SEC16B: variants seen among roughly 807,000 people sequenced by gnomAD.
SEC16B encodes the protein SEC16 homolog B, endoplasmic reticulum export factor.
A neutral mutation model predicts 141.8 loss-of-function variants in SEC16B; 115 were observed. The observed-to-expected ratio is 0.81, with a 90% confidence interval of 0.70 to 0.95. SEC16B has a LOEUF of 0.95. Ranked by LOEUF, SEC16B falls within the 40% of genes least tolerant of loss-of-function variation. SEC16B has a pLI of 0.00. For missense variants in SEC16B, 1,291 were observed against 1,312.3 expected (o/e 0.98, Z 0.25); for synonymous variants, 493 against 492.5 (o/e 1.00, Z -0.01).
upstream of SEC16B, chr1:177,973,321 A>C (rs556338435): frequency 3.3e-5 from 5 of 152,166 alleles, no homozygotes; most frequent in African/African-American, 1.2e-4. Flanking sequence ...TGAAAGTAAA[A>C]ATTTAGAAAA....
chr1:177,953,524 G>A (rs766010548), intron 11 of SEC16B, among the ~76,000 whole-genome samples: 1 of 152,104 alleles, frequency 6.6e-6, no homozygotes, highest in Non-Finnish European at 1.5e-5. Context: ...GATGCTAGGC[G>A]GAGCCTGAAG....
intron 1 of SEC16B, among the ~76,000 whole-genome samples, chr1:177,977,666 A>G (rs1473022805): frequency 6.6e-6 from 1 of 152,074 alleles, no homozygotes; most frequent in Non-Finnish European, 1.5e-5. Flanking sequence ...CCCCCATACC[A>G]CTCAGCAATC....
At chr1:177,979,891 A>G (rs1337599521) in intron 1 of SEC16B, among the ~76,000 whole-genome samples, 1 of 152,198 alleles carries the variant, frequency 6.6e-6, no homozygotes, top group Admixed American at 6.5e-5. Flanking sequence ...AGCATGGGAA[A>G]GACTTGCCCC....
At chr1:177,931,160 C>T (rs114395190) in intron 24 of SEC16B, among the ~76,000 whole-genome samples, 2,195 of 152,266 alleles carry the variant, frequency 0.014, 47 homozygotes, top group African/African-American at 0.05. Context: ...AATTGCAAAA[C>T]GTGGAACCAA....
At position 177,968,075 on chromosome 1, in the gene SEC16B, G is replaced by A. The variant is rs1013222943; in HGVS notation, c.-58-36C>T. On this transcript the variant is annotated intron_variant, in intron 1 of 25. Transcript: ENST00000308284. ...AAGAAAAAGGAAAAAATCATCACTT[G>A]AAGCCTATATCCAAACATAGTGGTT... 3 of 1,257,540 alleles carry A rather than the reference G, an allele frequency of 2.4e-6. No individual in the cohort carries two copies. In the African/African-American group the frequency reaches 4.5e-5, roughly 19 times the overall value. The allele number at this position is 1,257,540 out of a possible 1,614,324, so 77.9% of individuals were successfully genotyped here.
At chr1:177,972,166 AACTCTTCAAAC>A (rs543482744), upstream of SEC16B, among the ~76,000 whole-genome samples, 160 of 152,314 alleles carry the variant, frequency 1.1e-3, 2 homozygotes, top group African/African-American at 3.4e-3. Context: ...GTTATTATGA[AACTCTTCAAAC>A]ACTCACCAAC....
chr1:177,941,304 G>C (rs1010251696), intron 16 of SEC16B, among the ~76,000 whole-genome samples: 1 of 152,158 alleles, frequency 6.6e-6, no homozygotes, highest in East Asian at 1.9e-4. Context: ...AATTTTATAC[G>C]TTAAAGAAGC....
Position 177,939,570 on chromosome 1 carries a change from C to T in SEC16B, c.2203+132G>A, listed in dbSNP as rs150979490. On this transcript the variant is annotated intron_variant, in intron 18 of 25. Coordinates refer to ENST00000308284, the MANE Select transcript of SEC16B (RefSeq NM_033127.4). Reference sequence around the variant, plus strand: ...CTGGGTGGAGAAGGCGCCTGGACAACGGGGCGGACTTACACAGGCAAGGCA... The same window carrying T: ...CTGGGTGGAGAAGGCGCCTGGACAATGGGGCGGACTTACACAGGCAAGGCA... 129 of 726,622 alleles carry T rather than the reference C, an allele frequency of 1.8e-4. No individual in the cohort carries two copies. In the African/African-American group the frequency reaches 1.8e-3, roughly 10 times the overall value. 45.0% of individuals were successfully genotyped at this position (726,622 alleles called of 1,614,324 possible).
chr1:177,933,456 C>A, intron 21 of SEC16B, 28 bp downstream of exon 21: 1 of 1,605,390 alleles, frequency 6.2e-7, no homozygotes, highest in Non-Finnish European at 8.5e-7. Context: ...GGAAGGAAGG[C>A]AGGGGAGAGA....
intron 12 of SEC16B, among the ~76,000 whole-genome samples, chr1:177,950,862 A>T (rs1407904538): frequency 6.6e-6 from 1 of 151,080 alleles, no homozygotes; most frequent in African/African-American, 2.4e-5. Flanking sequence ...GGAAGGAAAA[A>T]AGAAAGGAGG....
chr1:177,974,939 G>A (rs1271005480), upstream of SEC16B, among the ~76,000 whole-genome samples: 1 of 152,212 alleles, frequency 6.6e-6, no homozygotes, highest in African/African-American at 2.4e-5. Flanking sequence ...AAGGGCACCT[G>A]TTCCTCTAAA....
At chr1:177,982,423 G>A (rs539526650) in intron 1 of SEC16B, among the ~76,000 whole-genome samples, 1 of 152,326 alleles carries the variant, frequency 6.6e-6, no homozygotes. Flanking sequence ...CCTGGGTCAG[G>A]AAGTACACCT....
At chr1:177,971,565 C>A (rs1039171873), upstream of SEC16B, 7 of 152,214 alleles carry the variant, frequency 4.6e-5, no homozygotes, top group Non-Finnish European at 8.8e-5. Flanking sequence ...ATCACAACAA[C>A]ATTCACAAAA....
intron 24 of SEC16B, among the ~76,000 whole-genome samples, chr1:177,931,446 A>T (rs923981460): frequency 4.0e-5 from 6 of 151,774 alleles, no homozygotes; most frequent in Non-Finnish European, 8.8e-5. Context: ...GGTCAGGGAT[A>T]AAAAAAACTA....
chr1:177,932,478 G>A lies in SEC16B; in HGVS notation c.3012+12C>T. On this transcript the variant is annotated intron_variant, in intron 24 of 25. Transcript: ENST00000308284. Reference sequence around the variant, plus strand: ...CTGGGGTCCGAGGCTCCAGCCCAGGGGGGCCGCTTACCTCTGGTCCAGACA... The same window carrying A: ...CTGGGGTCCGAGGCTCCAGCCCAGGAGGGCCGCTTACCTCTGGTCCAGACA... 6.6e-7 allele frequency: 1 copy of A among 1,523,670 alleles called. No homozygotes were observed. Among genetic ancestry groups the A allele is most frequent in the African/African-American group, 1.4e-5 (1 of 72,184 alleles). 94.4% of individuals were successfully genotyped at this position (1,523,670 alleles called of 1,614,324 possible).
intron 16 of SEC16B, among the ~76,000 whole-genome samples, chr1:177,941,078 T>C (rs1412771909): frequency 6.6e-6 from 1 of 152,244 alleles, no homozygotes; most frequent in African/African-American, 2.4e-5. Flanking sequence ...GTTAAAATGC[T>C]AATTCTGATT....
In SEC16B at chr1:177,962,177, G is replaced by A. The variant is rs558580716; in HGVS notation, c.643-443C>T. 1.8e-3 allele frequency among the ~76,000 whole-genome samples: 271 copies of A among 152,158 alleles called. 1 individual carries two copies. The highest frequency in any genetic ancestry group is 6.2e-3 in the African/African-American group (256 of 41,516). ...CAACCTCCACCTCCTGGGTTCAAGC[G>A]ATTCTTCTGCCTCAGCCTCCCAAGT... On this transcript the variant is annotated intron_variant, in intron 5 of 25. Coordinates refer to ENST00000308284, the MANE Select transcript of SEC16B (RefSeq NM_033127.4).
In SEC16B at chr1:177,961,512, G is replaced by A. The variant is rs977860928; in HGVS notation, c.787+78C>T. 2.3e-5 allele frequency: 34 copies of A among 1,482,418 alleles called. 1 individual carries two copies. The African/African-American group carries it at 4.7e-4, about 20-fold the overall frequency. 91.8% of individuals were successfully genotyped at this position (1,482,418 alleles called of 1,614,324 possible). On this transcript the variant is annotated intron_variant, in intron 6 of 25. Coordinates refer to ENST00000308284, the MANE Select transcript of SEC16B (RefSeq NM_033127.4). ...GAGGTGGACAATGATCCATCGTAAG[G>A]CTGACTTTCCCAGAGACTTGCCACC...
chr1:177,960,043 A>G, intron 8 of SEC16B: 2 of 379,660 alleles, frequency 5.3e-6, no homozygotes, highest in Non-Finnish European at 4.8e-6. Flanking sequence ...TTCTACTAAC[A>G]TCTATCAAGC....
Sources: gnomAD v4.1 joint callset for allele counts (sites outside exome capture counted in the v4.1 genomes callset) on GRCh38, gnomAD v4.1.1 for gene constraint, MANE v1.5 for transcripts, NCBI Gene and HGNC (gene_info 2026-07-23, HGNC 2026-07-21) for gene names.